The following PLXNB2 variants were observed in gnomAD, a reference collection of about 807,000 sequenced individuals.
PLXNB2 encodes the protein plexin B2.
A neutral mutation model predicts 202.6 loss-of-function variants in PLXNB2; 85 were observed. The ratio of observed to expected loss-of-function variants is 0.42; its 90% CI spans 0.35 to 0.50. The LOEUF (loss-of-function observed/expected upper bound fraction) is 0.50. PLXNB2 is among the 20% of genes least tolerant of loss of function. The probability of loss-of-function intolerance (pLI) is 0.02; values close to 1 mark genes in which losing one functional copy is unlikely to be tolerated. For missense variants in PLXNB2, 2,063 were observed against 2,586.2 expected (o/e 0.80, Z 4.39); for synonymous variants, 1,239 against 1,137.6 (o/e 1.09, Z -1.79).
rs2066169158 is a variant in PLXNB2 at position 50,283,448 on chromosome 22, G to A, written c.2571-3C>T. The A allele has an allele frequency of 1.2e-6, 2 of 1,612,452 alleles. No individual in the cohort carries two copies. The highest frequency in any genetic ancestry group is 1.7e-6 in the Non-Finnish European group (2 of 1,179,678). ...CAGCCTCGATCACACACACGATCCT[G>A]GCGGGCGACAGGCAGTGTGGCCCAG... On this transcript the variant is annotated splice_region_variant and splice_polypyrimidine_tract_variant and intron_variant, in intron 15 of 36. Transcript: ENST00000359337.
In PLXNB2 at chr22:50,287,195, ACTCCC is replaced by A; in HGVS notation, c.1673_1677del (p.Gly558ValfsTer40). The A allele has an allele frequency of 6.5e-7, 1 of 1,547,328 alleles. No homozygotes were observed. The highest frequency in any genetic ancestry group is 8.7e-7 in the Non-Finnish European group (1 of 1,145,630). ...TCCACGCGGGCGGGGTGTGGCGGCG[ACTCCC>A]CAAAAAGGCACAGCAACTCGTCCTC... On this transcript the variant is annotated frameshift_variant, in exon 8 of 37. Transcript: ENST00000359337. LOFTEE classifies it high-confidence loss of function.
chr22:50,279,821 G>A (rs1302076802), intron 26 of PLXNB2, 45 bp from the exon 27 acceptor site: 2 of 1,608,142 alleles, frequency 1.2e-6, no homozygotes, highest in Non-Finnish European at 8.5e-7. Context: ...GGGACTTGGG[G>A]CCTGGAAGGG....
Position 50,287,718 on chromosome 22 carries a change from C to T in PLXNB2, c.1557G>A (p.Val519=). 3.2e-6 allele frequency: 5 copies of T among 1,569,148 alleles called. No homozygotes were observed. The highest frequency in any genetic ancestry group is 4.3e-6 in the Non-Finnish European group (5 of 1,162,448). ...TCTGTGGCTGGGCGCTGGTGACGGC[C>T]ACGCAGGACTTGCTTCGGCTCCACA... ...HWLWSRSKSC[V]AVTSAQPQNM... Residue 519 remains valine, a synonymous_variant, in exon 7 of 37, where the codon GTG becomes GTA. Coordinates refer to ENST00000359337, the MANE Select transcript of PLXNB2 (RefSeq NM_012401.4).
intron 33 of PLXNB2, 79 bp downstream of exon 33, chr22:50,277,512 A>C: frequency 7.3e-7 from 1 of 1,375,422 alleles, no homozygotes; most frequent in South Asian, 1.4e-5. Flanking sequence ...CACACCCCAG[A>C]CAAGGTCCCA....
intron 1 of PLXNB2, among the ~76,000 whole-genome samples, chr22:50,307,071 G>T (rs1295237530): frequency 6.6e-6 from 1 of 152,174 alleles, no homozygotes. Context: ...CCAGGCAGTG[G>T]GGTCTCGCCA....
rs547309825 is a variant in PLXNB2 at position 50,290,689 on chromosome 22, G to A, written c.-13-92C>T. On this transcript the variant is annotated intron_variant, in intron 2 of 36. Transcript: ENST00000359337. ...TCCCTGCCCCAAACGTCAGAACATG[G>A]GAGAGAGGGTCACGCCACTCCACGA... The A allele has an allele frequency of 1.0e-5, 14 of 1,334,250 alleles. No homozygotes were observed. In the African/African-American group the frequency reaches 1.9e-4, roughly 18 times the overall value. 82.7% of individuals were successfully genotyped at this position (1,334,250 alleles called of 1,614,324 possible).
rs201777645 is a variant in PLXNB2, at chr22:50,284,190, C to T, written c.2205G>A (p.Thr735=). ...ACTTGACGTAGAGGTGCAGGGGCAG[C>T]GTCTCGTTGGCATCGTGGGACAGCT... ...TPKLSHDANE[T]LPLHLYVKSY... is the part of the protein sequence containing the mutation. The change falls in exon 13 of 37, where the codon ACG becomes ACA. Residue 735 remains threonine, a synonymous_variant. Coordinates refer to ENST00000359337, the MANE Select transcript of PLXNB2 (RefSeq NM_012401.4). The surrounding 1 kb of genome is among the most constrained non-coding windows in gnomAD (Gnocchi z 8.0). 3.7e-5 allele frequency: 59 copies of T among 1,612,718 alleles called. No individual in the cohort carries two copies. The highest frequency in any genetic ancestry group is 4.6e-5 in the Non-Finnish European group (54 of 1,179,766).
chr22:50,282,687 G>C (rs1569163202), intron 18 of PLXNB2, 24 bp downstream of exon 18: 1 of 1,552,540 alleles, frequency 6.4e-7, no homozygotes, highest in African/African-American at 1.4e-5. Flanking sequence ...GGAGCAGAGG[G>C]GGGCGGGGGG....
chr22:50,276,711 G>C lies in PLXNB2; in HGVS notation c.5262-7C>G. The stretch of plus-strand genomic sequence containing the variant: ...CCGGATCCCCTTGTAGTAACTGCAG[G>C]GGTGGGAGCATCATACAGTGTGGGC... On this transcript the variant is annotated splice_polypyrimidine_tract_variant and splice_region_variant and intron_variant, in intron 34 of 36. Transcript: ENST00000359337. 6.2e-7 allele frequency: 1 copy of C among 1,613,410 alleles called. No individual in the cohort carries two copies. The highest frequency in any genetic ancestry group is 8.5e-7 in the Non-Finnish European group (1 of 1,179,526).
chr22:50,278,162 C>T lies in PLXNB2; in HGVS notation c.4842G>A (p.Thr1614=), dbSNP rs765625516. ...TCAGGTAGATCTCGGTGATGGCCTT[C>T]GTCCGCTCCTTCTCTTTCACGCTGC... ...KRGSVKEKER[T]KAITEIYLTR... The change falls in exon 31 of 37, where the codon ACG becomes ACA. Residue 1614 remains threonine (T), a synonymous_variant. Coordinates refer to ENST00000359337, the MANE Select transcript of PLXNB2 (RefSeq NM_012401.4). The T allele has an allele frequency of 3.1e-6, 5 of 1,597,098 alleles. No individual in the cohort carries two copies. Among genetic ancestry groups the T allele is most frequent in the African/African-American group, 2.7e-5 (2 of 73,430 alleles).
chr22:50,295,577 T>C (rs2067202857), intron 1 of PLXNB2, among the ~76,000 whole-genome samples: 1 of 152,186 alleles, frequency 6.6e-6, no homozygotes, highest in Non-Finnish European at 1.5e-5. Flanking sequence ...CTTCTAGTTC[T>C]GGATAAACAC....
chr22:50,289,128 G>T lies in PLXNB2; in HGVS notation c.1083C>A (p.Ser361Arg). Reference protein sequence around the residue: ...CGGHAPGSSKSFPCGSEHLPY... With the variant: ...CGGHAPGSSKRFPCGSEHLPY... Reference sequence around the variant, plus strand: ...GCAGGTGCTCCGAGCCACATGGGAAGCTCTTGCTGGAGCCCTGCGGACCAC... The same window carrying T: ...GCAGGTGCTCCGAGCCACATGGGAATCTCTTGCTGGAGCCCTGCGGACCAC... The change falls in exon 4 of 37, where the codon AGC (serine) becomes AGA (arginine). Residue 361 changes from serine to arginine, a missense_variant. Physicochemically the swap from Ser to Arg is moderately radical, Grantham distance 110. Transcript: ENST00000359337. The surrounding 1 kb of genome is among the most constrained non-coding windows in gnomAD (Gnocchi z 8.0). The T allele has an allele frequency of 6.3e-7, 1 of 1,578,428 alleles. No homozygotes were observed. Among genetic ancestry groups the T allele is most frequent in the Non-Finnish European group, 8.6e-7 (1 of 1,163,104 alleles).
chr22:50,290,401 G>C lies in PLXNB2; in HGVS notation c.184C>G (p.Gln62Glu), dbSNP rs375360559. The change falls in exon 3 of 37, where the codon CAG becomes GAG. Residue 62 changes from glutamine to glutamate, a missense_variant. By Grantham distance (29) the Gln-to-Glu change is conservative. Around this residue, in one of 2 missense-constraint regions of PLXNB2, gnomAD observed 1,303 missense variants for 1,476.8 expected, o/e 0.88. Coordinates refer to ENST00000359337, the MANE Select transcript of PLXNB2 (RefSeq NM_012401.4). ...NALYQLDAKL[Q>E]LEQQVATGPA... ...CCCGTGGCCACCTGCTGCTCCAGCT[G>C]CAGCTTCGCATCCAGCTGGTAGAGG... The C allele has an allele frequency of 1.5e-4, 246 of 1,612,954 alleles. 5 individuals are homozygous for C. The South Asian group carries it at 2.5e-3, about 16-fold the overall frequency.
chr22:50,301,928 T>TGCTGCC lies in PLXNB2; in HGVS notation c.-74+5624_-74+5625insGGCAGC, dbSNP rs2067712914. Among the ~76,000 whole-genome samples, 3 of 152,358 alleles carry TGCTGCC rather than the reference T, an allele frequency of 2.0e-5. No individual in the cohort carries two copies. In the East Asian group the frequency reaches 5.8e-4, roughly 29 times the overall value. ...ATGACCACACATGTGCAGACACACA[T>TGCTGCC]GGCTGGGTGCTGCCGGAAAAGCCCT... On this transcript the variant is annotated intron_variant, in intron 1 of 36. Coordinates refer to ENST00000359337, the MANE Select transcript of PLXNB2 (RefSeq NM_012401.4).
At chr22:50,287,824 G>A in intron 6 of PLXNB2, 31 bp from the exon 7 acceptor site, 1 of 1,595,768 alleles carries the variant, frequency 6.3e-7, no homozygotes, top group Non-Finnish European at 8.5e-7. Flanking sequence ...CTCAGCCCAG[G>A]GTGGAGTCTT....
intron 34 of PLXNB2, 44 bp downstream of exon 34, chr22:50,276,798 G>A (rs764673630): frequency 1.2e-5 from 19 of 1,595,468 alleles, no homozygotes; most frequent in South Asian, 2.2e-5. Context: ...GCAGGGGGTC[G>A]AGGGTGGGCA....
intron 34 of PLXNB2, 45 bp downstream of exon 34, chr22:50,276,797 C>T (rs761342955): frequency 8.2e-6 from 13 of 1,594,466 alleles, no homozygotes; most frequent in African/African-American, 2.7e-5. Context: ...CGCAGGGGGT[C>T]GAGGGTGGGC....
Position 50,286,283 on chromosome 22 carries a change from G to T in PLXNB2, c.1767C>A (p.His589Gln), listed in dbSNP as rs201989267. ...SIPVTPPGQDHVAVTIQLLLR... is the reference protein window; with the variant it reads ...SIPVTPPGQDQVAVTIQLLLR... ...GGAGGAGCTGGATGGTCACGGCCAC[G>T]TGGTCTGCAGACAGCAGAGGGGGAG... Residue 589 changes from histidine to glutamine, a missense_variant, in exon 9 of 37, where the codon CAC becomes CAA. This residue lies in a region of PLXNB2 where 1,303 missense variants were observed against 1,476.8 expected (regional missense o/e 0.88). Coordinates refer to ENST00000359337, the MANE Select transcript of PLXNB2 (RefSeq NM_012401.4). The T allele has an allele frequency of 1.3e-5, 21 of 1,610,622 alleles. No homozygotes were observed. In the African/African-American group the frequency reaches 2.5e-4, roughly 19 times the overall value.
At chr22:50,302,254 C>T (rs529718345) in intron 1 of PLXNB2, among the ~76,000 whole-genome samples, 66 of 152,232 alleles carry the variant, frequency 4.3e-4, no homozygotes, top group African/African-American at 1.5e-3. Flanking sequence ...GTGGGCTGGG[C>T]CCCACAGGGG....
Sources: allele counts gnomAD v4.1 joint callset (sites outside exome capture counted in the v4.1 genomes callset), GRCh38; gene constraint gnomAD v4.1.1; regional missense constraint gnomAD v4.1.1; non-coding constraint Gnocchi (gnomAD v3.1); transcripts MANE v1.5; gene names NCBI Gene and HGNC (gene_info 2026-07-23, HGNC 2026-07-21).